FUT8: variants seen among roughly 807,000 people sequenced by gnomAD.
FUT8 encodes fucosyltransferase 8.
FUT8 carries 29 observed loss-of-function variants against 71.3 expected under a neutral mutation model. That is an observed-to-expected ratio of 0.41 (90% CI 0.30 to 0.55). The LOEUF is 0.55. Among genes scored for constraint, FUT8 ranks in the 20% least tolerant of loss-of-function variants. The probability of loss-of-function intolerance (pLI) is 0.34; values close to 1 mark genes in which losing one functional copy is unlikely to be tolerated. For synonymous variants in FUT8, 254 were observed against 239.3 expected (o/e 1.06, Z -0.57); for missense variants, 544 against 702.1 (o/e 0.77, Z 2.55).
At chr14:65,577,302 G>A (rs886521001) in intron 3 of FUT8, among the ~76,000 whole-genome samples, 2 of 152,008 alleles carry the variant, frequency 1.3e-5, no homozygotes, top group Admixed American at 6.6e-5. Context: ...AGATCTGATC[G>A]GTTATGCTTA....
In FUT8 at chr14:65,663,404, A is replaced by G. The variant is rs547865736; in HGVS notation, c.598-5839A>G. 2.0e-5 allele frequency among the ~76,000 whole-genome samples: 3 copies of G among 152,150 alleles called. No homozygotes were observed. The South Asian group carries it at 6.2e-4, about 32-fold the overall frequency. ...TTTTTCTAGATACGTACTCTGATAAACCTAATCTTGTGTTAGGAACATAAA... is the reference window on the plus strand; with the variant it reads ...TTTTTCTAGATACGTACTCTGATAAGCCTAATCTTGTGTTAGGAACATAAA... On this transcript the variant is annotated intron_variant, in intron 6 of 10. Coordinates refer to ENST00000673929, the MANE Select transcript of FUT8 (RefSeq NM_001371533.1).
chr14:65,597,636 C>T (rs942575541), intron 3 of FUT8, among the ~76,000 whole-genome samples: 2 of 145,138 alleles, frequency 1.4e-5, no homozygotes, highest in African/African-American at 5.1e-5. Context: ...AAAAAAAAAA[C>T]ATAAATAAAA....
chr14:65,499,172 C>T (rs1370270985), intron 2 of FUT8, among the ~76,000 whole-genome samples: 1 of 152,190 alleles, frequency 6.6e-6, no homozygotes, highest in Non-Finnish European at 1.5e-5. Flanking sequence ...GCCTCAACCT[C>T]CCAAGTTGCT....
chr14:65,357,707 G>A, the FUT8 span, among the ~76,000 whole-genome samples: 1 of 152,196 alleles, frequency 6.6e-6, no homozygotes, highest in Admixed American at 6.5e-5. Context: ...GTTACTTAAT[G>A]TCTGCACCTC....
At chr14:65,504,933 A>G (rs992002113) in intron 2 of FUT8, among the ~76,000 whole-genome samples, 39 of 151,770 alleles carry the variant, frequency 2.6e-4, no homozygotes, top group African/African-American at 8.5e-4. Context: ...CAAGAGTGAA[A>G]CTCCGTCTCA....
chr14:65,370,160 A>G, the FUT8 span, among the ~76,000 whole-genome samples: 1 of 151,390 alleles, frequency 6.6e-6, no homozygotes, highest in Admixed American at 6.6e-5. Context: ...GGACCATGAA[A>G]TCCAAATGGC....
chr14:65,523,469 T>C (rs1465041213), intron 2 of FUT8, among the ~76,000 whole-genome samples: 1 of 152,232 alleles, frequency 6.6e-6, no homozygotes, highest in Non-Finnish European at 1.5e-5. Flanking sequence ...AGATTCTGGA[T>C]ATTAGCCCTT....
intron 2 of FUT8, among the ~76,000 whole-genome samples, chr14:65,515,572 A>G (rs1022134261): frequency 1.3e-5 from 2 of 152,124 alleles, no homozygotes. Flanking sequence ...AGTAATTACC[A>G]AAGAAATAAT....
At chr14:65,678,577 G>C (rs1476402117) in intron 7 of FUT8, among the ~76,000 whole-genome samples, 1 of 152,086 alleles carries the variant, frequency 6.6e-6, no homozygotes. Flanking sequence ...GTAAAGGGGG[G>C]TACTAGGAAT....
chr14:65,388,047 T>C, the FUT8 span, among the ~76,000 whole-genome samples: 7 of 152,360 alleles, frequency 4.6e-5, no homozygotes. Context: ...TATTATAAAG[T>C]TCTTCTCTGC....
chr14:65,662,360 T>C (rs149608223), intron 6 of FUT8, among the ~76,000 whole-genome samples: 2 of 152,144 alleles, frequency 1.3e-5, no homozygotes, highest in African/African-American at 4.8e-5. Context: ...CACTCCGGCC[T>C]GAGCAATAGA....
At chr14:65,658,796 C>T (rs1454971111) in intron 6 of FUT8, among the ~76,000 whole-genome samples, 1 of 151,930 alleles carries the variant, frequency 6.6e-6, no homozygotes, top group Non-Finnish European at 1.5e-5. Context: ...TAAGGGGTTT[C>T]TTTGCTTTGA....
At chr14:65,537,203 G>C (rs1884375156) in intron 2 of FUT8, among the ~76,000 whole-genome samples, 1 of 151,522 alleles carries the variant, frequency 6.6e-6, no homozygotes, top group South Asian at 2.1e-4. Context: ...GTGTTCTCCT[G>C]AATCTTGATG....
chr14:65,486,149 G>C (rs1364538905), intron 2 of FUT8, among the ~76,000 whole-genome samples: 1 of 152,014 alleles, frequency 6.6e-6, no homozygotes, highest in Non-Finnish European at 1.5e-5. Context: ...TTTAGCACTA[G>C]CTAATGCAAG....
At chr14:65,507,938 C>CT (rs1279562471) in intron 2 of FUT8, among the ~76,000 whole-genome samples, 2 of 152,042 alleles carry the variant, frequency 1.3e-5, no homozygotes, top group African/African-American at 4.8e-5. Flanking sequence ...TGAGGGTTCT[C>CT]TTTTTTCCAC....
At chr14:65,670,925 G>C (rs1480032842) in intron 7 of FUT8, among the ~76,000 whole-genome samples, 1 of 152,060 alleles carries the variant, frequency 6.6e-6, no homozygotes, top group Non-Finnish European at 1.5e-5. Flanking sequence ...CAGATTTTAA[G>C]GTGAACCTCT....
chr14:65,536,863 C>T (rs566539948), intron 2 of FUT8, among the ~76,000 whole-genome samples: 3 of 152,066 alleles, frequency 2.0e-5, no homozygotes, highest in Admixed American at 6.5e-5. Context: ...CTTCCAGTCT[C>T]CCCATTTCTT....
chr14:65,641,620 T>C (rs550244933), intron 6 of FUT8, among the ~76,000 whole-genome samples: 4 of 152,204 alleles, frequency 2.6e-5, no homozygotes, highest in Non-Finnish European at 5.9e-5. Context: ...CCATTTTATA[T>C]TTTCATCCAG....
chr14:65,401,790 G>A, the FUT8 span, among the ~76,000 whole-genome samples: 3 of 151,950 alleles, frequency 2.0e-5, no homozygotes, highest in Middle Eastern at 3.4e-3. Flanking sequence ...CTACTGGGGA[G>A]GTTGAGGCAT....
Sources: allele counts gnomAD v4.1 joint callset (sites outside exome capture counted in the v4.1 genomes callset), GRCh38; gene constraint gnomAD v4.1.1; transcripts MANE v1.5; gene names NCBI Gene and HGNC (gene_info 2026-07-23, HGNC 2026-07-21).